The following IGFBP7 variants were observed in gnomAD, a reference collection of about 807,000 sequenced individuals.
IGFBP7 encodes the protein insulin like growth factor binding protein 7.
A neutral mutation model predicts 29.4 loss-of-function variants in IGFBP7; 31 were observed. That is an observed-to-expected ratio of 1.05 (90% CI 0.79 to 1.42). IGFBP7 has a LOEUF of 1.42. IGFBP7 is among the 40% of genes most tolerant of loss of function. The pLI is 0.00. For synonymous variants in IGFBP7, 172 were observed against 174.9 expected, an observed-to-expected ratio of 0.98 and a Z score of 0.13; for missense variants, 393 against 395.5, an observed-to-expected ratio of 0.99 and a Z score of 0.05.
intron 1 of IGFBP7, among the ~76,000 whole-genome samples, chr4:57,093,481 C>T (rs1560507356): frequency 6.8e-6 from 1 of 146,930 alleles, no homozygotes; most frequent in Non-Finnish European, 1.5e-5. Context: ...GCCTGGGCAA[C>T]AGAGCAAGAC....
At chr4:57,066,142 G>A (rs1468244532) in intron 1 of IGFBP7, among the ~76,000 whole-genome samples, 1 of 152,188 alleles carries the variant, frequency 6.6e-6, no homozygotes, top group Non-Finnish European at 1.5e-5. Context: ...TGCTCCCCTT[G>A]AGTGTGGTCT....
At chr4:57,038,903 C>T (rs903660760) in intron 2 of IGFBP7, among the ~76,000 whole-genome samples, 2 of 151,852 alleles carry the variant, frequency 1.3e-5, no homozygotes, top group Non-Finnish European at 2.9e-5. Flanking sequence ...CCTGTCTCTA[C>T]TGAAAATACA....
At chr4:57,092,474 G>A (rs927445350) in intron 1 of IGFBP7, among the ~76,000 whole-genome samples, 10 of 152,010 alleles carry the variant, frequency 6.6e-5, no homozygotes, top group African/African-American at 2.4e-4. Flanking sequence ...CTAGGATGCA[G>A]GTACAACTCT....
rs189758609 is a variant in IGFBP7 at position 57,041,591 on chromosome 4, A to G, written c.476-658T>C. 1.7e-3 allele frequency among the ~76,000 whole-genome samples: 266 copies of G among 152,268 alleles called. 3 individuals are homozygous for G. Among genetic ancestry groups the G allele is most frequent in the African/African-American group, 5.9e-3 (244 of 41,560 alleles). On this transcript the variant is annotated intron_variant, in intron 1 of 4. Transcript: ENST00000295666. ...CATTCTGCCACCCAGGCTGGAGCGC[A>G]GTGGCTTGATCATAGCTCACTGCAG...
chr4:57,031,379 G>A lies in IGFBP7; in HGVS notation c.830-43C>T, dbSNP rs762224380. The A allele has an allele frequency of 4.7e-6, 7 of 1,491,872 alleles. No individual in the cohort carries two copies. In the South Asian group the frequency reaches 7.0e-5, roughly 15 times the overall value. The allele number at this position is 1,491,872 out of a possible 1,614,324, so 92.4% of individuals were successfully genotyped here. ...AAGATAAAAATTAGTTACATATGGGGATGTGGTTGACTTTTGAATTGGCAG... is the reference window on the plus strand; with the variant it reads ...AAGATAAAAATTAGTTACATATGGGAATGTGGTTGACTTTTGAATTGGCAG... On this transcript the variant is annotated intron_variant, in intron 4 of 4. Transcript: ENST00000295666.
At chr4:57,089,045 A>T (rs1398021832) in intron 1 of IGFBP7, among the ~76,000 whole-genome samples, 1 of 151,350 alleles carries the variant, frequency 6.6e-6, no homozygotes, top group Non-Finnish European at 1.5e-5. Context: ...AAAATAAAAA[A>T]AAAAAAAAAG....
chr4:57,068,745 C>G (rs776835180), intron 1 of IGFBP7, among the ~76,000 whole-genome samples: 1 of 152,026 alleles, frequency 6.6e-6, no homozygotes, highest in African/African-American at 2.4e-5. Context: ...TTGAAGGCAC[C>G]GAGGGAAGTG....
chr4:57,054,995 C>G (rs1381359434), intron 1 of IGFBP7, among the ~76,000 whole-genome samples: 1 of 152,210 alleles, frequency 6.6e-6, no homozygotes, highest in African/African-American at 2.4e-5. Flanking sequence ...GCAAATCCTT[C>G]AGGCGAGGCT....
intron 1 of IGFBP7, among the ~76,000 whole-genome samples, chr4:57,043,171 C>T (rs961172769): frequency 4.6e-5 from 7 of 152,210 alleles, no homozygotes; most frequent in African/African-American, 1.7e-4. Context: ...TCACCAGGGG[C>T]CTTCAGAAAG....
At chr4:57,068,104 A>C (rs1276075383) in intron 1 of IGFBP7, among the ~76,000 whole-genome samples, 1 of 152,090 alleles carries the variant, frequency 6.6e-6, no homozygotes, top group African/African-American at 2.4e-5. Context: ...AGGTGGGCAG[A>C]TCTCTTGAGT....
At chr4:57,101,677 G>A (rs984340502) in intron 1 of IGFBP7, among the ~76,000 whole-genome samples, 4 of 152,004 alleles carry the variant, frequency 2.6e-5, no homozygotes, top group Admixed American at 2.0e-4. Context: ...AAATAAATAA[G>A]TAAACGTTTC....
intron 1 of IGFBP7, among the ~76,000 whole-genome samples, chr4:57,060,437 G>C (rs1003818919): frequency 1.3e-5 from 2 of 152,170 alleles, no homozygotes; most frequent in Admixed American, 6.5e-5. Context: ...GGGTAGGAAA[G>C]TTTCTTAAGT....
chr4:57,037,211 G>C (rs947573223), intron 2 of IGFBP7, among the ~76,000 whole-genome samples: 1 of 152,134 alleles, frequency 6.6e-6, no homozygotes, highest in African/African-American at 2.4e-5. Context: ...ACATTGCTTT[G>C]GGTCATGCAT....
At chr4:57,045,746 T>TC (rs1197208754) in intron 1 of IGFBP7, among the ~76,000 whole-genome samples, 1 of 151,912 alleles carries the variant, frequency 6.6e-6, no homozygotes, top group Non-Finnish European at 1.5e-5. Context: ...TTTTTTTTTT[T>TC]TTAGATGGAG....
intron 1 of IGFBP7, among the ~76,000 whole-genome samples, chr4:57,055,143 G>T (rs1023833539): frequency 1.3e-5 from 2 of 151,998 alleles, no homozygotes; most frequent in African/African-American, 4.8e-5. Flanking sequence ...CGGGGCATCT[G>T]CAGAAATAGG....
chr4:57,100,547 G>A (rs1198140939), intron 1 of IGFBP7, among the ~76,000 whole-genome samples: 1 of 152,118 alleles, frequency 6.6e-6, no homozygotes, highest in African/African-American at 2.4e-5. Context: ...CATAAACTTT[G>A]TTATCATACA....
chr4:57,076,761 G>A (rs1195607162), intron 1 of IGFBP7, among the ~76,000 whole-genome samples: 1 of 152,176 alleles, frequency 6.6e-6, no homozygotes, highest in Admixed American at 6.5e-5. Context: ...GAGCAGTCTT[G>A]ATTTTAGTTA....
At chr4:57,049,134 C>T (rs1473288813) in intron 1 of IGFBP7, among the ~76,000 whole-genome samples, 3 of 152,032 alleles carry the variant, frequency 2.0e-5, no homozygotes, top group Non-Finnish European at 4.4e-5. Context: ...TTCACTTCCT[C>T]AGGGATTAAA....
intron 1 of IGFBP7, among the ~76,000 whole-genome samples, chr4:57,053,764 G>A (rs567523551): frequency 2.2e-4 from 34 of 152,166 alleles, no homozygotes; most frequent in East Asian, 1.2e-3. Flanking sequence ...TTCCCGAGAC[G>A]AAACTCCCTA....
Sources: allele counts gnomAD v4.1 joint callset (sites outside exome capture counted in the v4.1 genomes callset), GRCh38; gene constraint gnomAD v4.1.1; transcripts MANE v1.5; gene names NCBI Gene and HGNC (gene_info 2026-07-23, HGNC 2026-07-21).